Variants in MED27 observed in about 807,000 individuals in gnomAD.
MED27 encodes the protein mediator of RNA polymerase II transcription subunit 27.
Under a neutral mutation model 38.2 loss-of-function variants are expected in MED27, and 30 were observed. That is an observed-to-expected ratio of 0.79 (90% CI 0.59 to 1.07). MED27 has a LOEUF of 1.07. MED27 is among the 50% of genes least tolerant of loss of function. The pLI, the probability that MED27 is intolerant of heterozygous loss-of-function variation, is 0.00. For missense variants in MED27, 289 were observed against 397.5 expected, an observed-to-expected ratio of 0.73 and a Z score of 2.32; for synonymous variants, 122 against 153.5, an observed-to-expected ratio of 0.79 and a Z score of 1.52.
intron 3 of MED27, among the ~76,000 whole-genome samples, chr9:132,004,881 T>A (rs1040760691): frequency 2.0e-5 from 3 of 152,110 alleles, no homozygotes; most frequent in African/African-American, 7.2e-5. Context: ...CAACCAACAG[T>A]GCACAGTCAA....
chr9:132,044,687 G>A (rs1162351619), intron 2 of MED27, among the ~76,000 whole-genome samples: 1 of 152,202 alleles, frequency 6.6e-6, no homozygotes, highest in Non-Finnish European at 1.5e-5. Context: ...CTGCTTCAGT[G>A]ATCAAAAGCA....
At chr9:131,901,498 G>A (rs1396697494) in intron 4 of MED27, among the ~76,000 whole-genome samples, 2 of 152,164 alleles carry the variant, frequency 1.3e-5, no homozygotes, top group Non-Finnish European at 2.9e-5. Context: ...GGCACCTAAA[G>A]TGCTCTGCCA....
chr9:132,054,550 A>G (rs1327589317), intron 2 of MED27, among the ~76,000 whole-genome samples: 2 of 152,088 alleles, frequency 1.3e-5, no homozygotes, highest in African/African-American at 4.8e-5. Context: ...AGCAGCTGGG[A>G]CTACAGGGGC....
At chr9:131,879,697 C>G (rs916847344) in intron 6 of MED27, among the ~76,000 whole-genome samples, 3 of 152,208 alleles carry the variant, frequency 2.0e-5, no homozygotes, top group African/African-American at 7.2e-5. Flanking sequence ...CTGAGCTTTT[C>G]TGGATGATGC....
At chr9:131,905,642 G>T (rs1240754989) in intron 4 of MED27, among the ~76,000 whole-genome samples, 10 of 123,280 alleles carry the variant, frequency 8.1e-5, no homozygotes, top group Non-Finnish European at 4.8e-5. Context: ...AGGCTACAGT[G>T]AACTGTGATC....
intron 2 of MED27, among the ~76,000 whole-genome samples, chr9:132,067,390 G>A (rs957639115): frequency 6.6e-6 from 1 of 152,200 alleles, no homozygotes; most frequent in Non-Finnish European, 1.5e-5. Flanking sequence ...TCAAAGCCTT[G>A]CTTCCCAGAG....
At chr9:132,043,381 TG>T (rs1317407686) in intron 2 of MED27, among the ~76,000 whole-genome samples, 19 of 145,842 alleles carry the variant, frequency 1.3e-4, no homozygotes, top group Admixed American at 6.2e-4. Flanking sequence ...TTCAGTTAGG[TG>T]GGGTACATTG....
At chr9:131,955,836 A>G (rs1831085380) in intron 3 of MED27, among the ~76,000 whole-genome samples, 1 of 152,218 alleles carries the variant, frequency 6.6e-6, no homozygotes, top group Non-Finnish European at 1.5e-5. Flanking sequence ...TCATATGGAA[A>G]TTCAGAAAAC....
At chr9:132,064,595 G>C (rs2131155303) in intron 2 of MED27, among the ~76,000 whole-genome samples, 1 of 152,300 alleles carries the variant, frequency 6.6e-6, no homozygotes, top group Admixed American at 6.5e-5. Flanking sequence ...ACAGCCTTAG[G>C]CTAGAAAAGG....
chr9:131,926,077 T>G (rs965548602), intron 4 of MED27, among the ~76,000 whole-genome samples: 14 of 152,168 alleles, frequency 9.2e-5, no homozygotes, highest in Admixed American at 3.3e-4. Context: ...TTCCCCTCAC[T>G]CCTGTGCTCT....
At chr9:132,000,073 AAATCAC>A (rs1832187936) in intron 3 of MED27, among the ~76,000 whole-genome samples, 4 of 72,800 alleles carry the variant, frequency 5.5e-5, no homozygotes, top group East Asian at 3.7e-4. Context: ...CTCAAAAGTA[AAATCAC>A]TTTTGATCAA....
intron 3 of MED27, among the ~76,000 whole-genome samples, chr9:132,009,363 C>T (rs1832433138): frequency 6.6e-6 from 1 of 152,214 alleles, no homozygotes; most frequent in Non-Finnish European, 1.5e-5. Context: ...CCCTTGCATG[C>T]CAGTCAAACT....
intron 4 of MED27, among the ~76,000 whole-genome samples, chr9:131,903,929 C>T (rs1410518212): frequency 8.7e-5 from 13 of 149,002 alleles, no homozygotes; most frequent in African/African-American, 3.0e-4. Flanking sequence ...GATGGAGTCT[C>T]ACTCTGTCAC....
chr9:131,886,164 T>TA (rs1406529752), intron 5 of MED27, among the ~76,000 whole-genome samples: 1 of 152,220 alleles, frequency 6.6e-6, no homozygotes, highest in Non-Finnish European at 1.5e-5. Flanking sequence ...GCTTGGAAAT[T>TA]AAAAGCAGGG....
chr9:131,926,193 G>A, intron 4 of MED27, among the ~76,000 whole-genome samples: 1 of 152,210 alleles, frequency 6.6e-6, no homozygotes, highest in East Asian at 1.9e-4. Flanking sequence ...GCTCCGTGAG[G>A]GCAAAAACTT....
At chr9:132,070,836 A>G (rs1262618685) in intron 2 of MED27, among the ~76,000 whole-genome samples, 1 of 54,140 alleles carries the variant, frequency 1.8e-5, no homozygotes, top group African/African-American at 7.6e-5. Flanking sequence ...CTCCACCCCC[A>G]GGTTCTGTGA....
At chr9:132,028,658 T>C (rs1832881366) in intron 2 of MED27, among the ~76,000 whole-genome samples, 1 of 152,156 alleles carries the variant, frequency 6.6e-6, no homozygotes, top group South Asian at 2.1e-4. Flanking sequence ...AGTAGACAAT[T>C]GGGGGAGAGG....
At chr9:132,068,063 G>A (rs1833847886) in intron 2 of MED27, among the ~76,000 whole-genome samples, 1 of 152,040 alleles carries the variant, frequency 6.6e-6, no homozygotes, top group East Asian at 1.9e-4. Context: ...AATAAAAAGG[G>A]TTTCTTCCCC....
intron 4 of MED27, among the ~76,000 whole-genome samples, chr9:131,916,540 A>G (rs1018646144): frequency 1.3e-5 from 2 of 152,218 alleles, no homozygotes; most frequent in Non-Finnish European, 2.9e-5. Context: ...AGGGATCCAC[A>G]GTCTATTGAT....
Sources: allele counts gnomAD v4.1 joint callset (sites outside exome capture counted in the v4.1 genomes callset), GRCh38; gene constraint gnomAD v4.1.1; transcripts MANE v1.5; gene names NCBI Gene and HGNC (gene_info 2026-07-23, HGNC 2026-07-21).